RASSF8: variants seen among roughly 807,000 people sequenced by gnomAD.
RASSF8 encodes Ras association domain family member 8, also known as ras association domain-containing protein 8.
Under a neutral mutation model 48.5 loss-of-function variants are expected in RASSF8, and 22 were observed. The ratio of observed to expected loss-of-function variants is 0.45; its 90% CI spans 0.32 to 0.65. RASSF8 has a LOEUF of 0.65. Among genes scored for constraint, RASSF8 ranks in the 30% least tolerant of loss-of-function variants. RASSF8 has a pLI of 0.03. For missense variants in RASSF8, 418 were observed against 489.2 expected, an observed-to-expected ratio of 0.85 and a Z score of 1.37; for synonymous variants, 127 against 171.5, an observed-to-expected ratio of 0.74 and a Z score of 2.03.
intron 2 of RASSF8, among the ~76,000 whole-genome samples, chr12:25,995,702 A>G (rs1253243555): frequency 6.6e-6 from 1 of 152,142 alleles, no homozygotes; most frequent in Admixed American, 6.5e-5. Context: ...CAACTAAATT[A>G]CATCTCAGTT....
intron 2 of RASSF8, among the ~76,000 whole-genome samples, chr12:26,000,276 T>C (rs1016302593): frequency 1.3e-5 from 2 of 152,138 alleles, no homozygotes; most frequent in African/African-American, 4.8e-5. Flanking sequence ...AATGTAGTAA[T>C]ACATATACTA....
chr12:25,965,144 T>C (rs1485766452), intron 1 of RASSF8, among the ~76,000 whole-genome samples: 2 of 152,034 alleles, frequency 1.3e-5, no homozygotes, highest in Admixed American at 6.5e-5. Flanking sequence ...GGATTTACCA[T>C]GTTAGCCAGG....
chr12:26,022,122 CATT>C (rs886365733), intron 2 of RASSF8, among the ~76,000 whole-genome samples: 12 of 152,252 alleles, frequency 7.9e-5, no homozygotes, highest in African/African-American at 2.2e-4. Context: ...TACTCTAGAA[CATT>C]GTTGAAAACA....
chr12:26,037,301 C>T (rs1304113588), intron 2 of RASSF8, among the ~76,000 whole-genome samples: 1 of 152,192 alleles, frequency 6.6e-6, no homozygotes, highest in Non-Finnish European at 1.5e-5. Context: ...TGATAAGATA[C>T]TCTTTTGTCA....
chr12:26,047,916 A>G (rs1308456607), intron 2 of RASSF8, among the ~76,000 whole-genome samples: 1 of 152,228 alleles, frequency 6.6e-6, no homozygotes, highest in Non-Finnish European at 1.5e-5. Flanking sequence ...GCAGGTAGAG[A>G]GAAAGGGAGC....
chr12:26,041,054 ATT>A (rs10714072), intron 2 of RASSF8, among the ~76,000 whole-genome samples: 5 of 148,946 alleles, frequency 3.4e-5, no homozygotes, highest in African/African-American at 4.9e-5. Context: ...CGCCTGGTTA[ATT>A]TTTTTTTTTG....
At chr12:25,962,789 A>ATCTT (rs1329488833) in intron 1 of RASSF8, among the ~76,000 whole-genome samples, 1 of 152,212 alleles carries the variant, frequency 6.6e-6, no homozygotes, top group African/African-American at 2.4e-5. Flanking sequence ...TAGAAAAGCC[A>ATCTT]GACCCACACT....
intron 2 of RASSF8, among the ~76,000 whole-genome samples, chr12:26,027,024 C>A (rs987018111): frequency 2.6e-5 from 4 of 151,988 alleles, no homozygotes; most frequent in South Asian, 4.2e-4. Flanking sequence ...TGTGATATAA[C>A]AATACAATGA....
chr12:26,020,266 T>C (rs1942756590), intron 2 of RASSF8: 1 of 152,068 alleles, frequency 6.6e-6, no homozygotes, highest in Non-Finnish European at 1.5e-5. Flanking sequence ...CAAGGAAAGC[T>C]TTCTCTCCTG....
intron 2 of RASSF8, among the ~76,000 whole-genome samples, chr12:26,003,904 C>T (rs550542685): frequency 5.3e-5 from 8 of 152,084 alleles, no homozygotes; most frequent in East Asian, 3.9e-4. Context: ...GGGCCAGGTG[C>T]GGTGGCTCAT....
chr12:26,071,133 G>C lies in RASSF8; in HGVS notation c.*2315G>C. The C allele has an allele frequency of 1.0e-6, 1 of 975,426 alleles. No individual in the cohort carries two copies. Among genetic ancestry groups the C allele is most frequent in the Non-Finnish European group, 1.2e-6 (1 of 820,938 alleles). 60.4% of individuals were successfully genotyped at this position (975,426 alleles called of 1,614,324 possible). ...ATTGAGAAGCTGTACTTTTTAATTA[G>C]TTATATTACTTCTGGAAGCACATAT... On this transcript the variant is annotated 3_prime_UTR_variant, in exon 6 of 6. Transcript: ENST00000689635.
chr12:26,006,509 T>C (rs1468117993), intron 2 of RASSF8, among the ~76,000 whole-genome samples: 1 of 152,248 alleles, frequency 6.6e-6, no homozygotes, highest in Non-Finnish European at 1.5e-5. Context: ...AAAATAGTAC[T>C]GTTTTTCCCA....
chr12:26,067,624 A>C lies in RASSF8; in HGVS notation c.1049A>C (p.Gln350Pro), dbSNP rs1384351007. Residue 350 changes from glutamine (Q) to proline (P), a missense_variant, in exon 5 of 6, where the codon CAG (glutamine) becomes CCG (proline). Gln to Pro is a moderately conservative substitution (Grantham distance 76, BLOSUM62 -1). Coordinates refer to ENST00000689635, the MANE Select transcript of RASSF8 (RefSeq NM_001394098.1). ...LTKELRQVNL[Q>P]QFIQQTGTKV... ...AAGGAGTTGCGGCAAGTCAATCTCC[A>C]GCAGTTCATCCAGCAGACAGGGACA... 6.2e-7 allele frequency: 1 copy of C among 1,613,994 alleles called. No homozygotes were observed. Among genetic ancestry groups the C allele is most frequent in the African/African-American group, 1.3e-5 (1 of 74,944 alleles).
At chr12:25,989,805 A>G (rs1444487249) in intron 1 of RASSF8, among the ~76,000 whole-genome samples, 2 of 151,928 alleles carry the variant, frequency 1.3e-5, no homozygotes, top group Admixed American at 6.6e-5. Context: ...GGGTGGAGGA[A>G]TTATGGTAGA....
intron 2 of RASSF8, among the ~76,000 whole-genome samples, chr12:26,018,133 G>T (rs924538321): frequency 2.0e-5 from 3 of 152,038 alleles, no homozygotes; most frequent in Non-Finnish European, 4.4e-5. Context: ...GAATCTTTGA[G>T]AATTTCTGTG....
intron 2 of RASSF8, among the ~76,000 whole-genome samples, chr12:26,015,937 A>G (rs370684733): frequency 1.3e-3 from 201 of 149,532 alleles, no homozygotes; most frequent in Non-Finnish European, 2.4e-3. Flanking sequence ...AGACCCCACT[A>G]ACTAACTAAT....
intron 2 of RASSF8, among the ~76,000 whole-genome samples, chr12:26,007,614 A>G (rs975533986): frequency 6.6e-6 from 1 of 152,068 alleles, no homozygotes; most frequent in African/African-American, 2.4e-5. Context: ...AGAGAGGCCT[A>G]CTCTCACAGG....
At position 26,015,857 on chromosome 12, in the gene RASSF8, A is replaced by G. The variant is rs570549019; in HGVS notation, c.-109+20727A>G. The stretch of plus-strand genomic sequence containing the variant: ...AATTTCTCTTTTTTCTTTATTGATA[A>G]GAATAAAGCTGTGCATACTTTAAGA... On this transcript the variant is annotated intron_variant, in intron 2 of 5. Coordinates refer to ENST00000689635, the MANE Select transcript of RASSF8 (RefSeq NM_001394098.1). Among the ~76,000 whole-genome samples, 407 of 152,214 alleles carry G rather than the reference A, an allele frequency of 2.7e-3. 1 individual carries two copies. Among genetic ancestry groups the G allele is most frequent in the African/African-American group, 9.5e-3 (394 of 41,540 alleles).
Position 26,069,142 on chromosome 12 carries a change from T to C in RASSF8, c.*324T>C. 1 of 993,392 alleles carries C rather than the reference T, an allele frequency of 1.0e-6. No individual in the cohort carries two copies. The highest frequency in any genetic ancestry group is 1.2e-6 in the Non-Finnish European group (1 of 835,192). The allele number at this position is 993,392 out of a possible 1,614,324, so 61.5% of individuals were successfully genotyped here. ...AAATAAGCCGTGACTTAAGTAAGAG[T>C]GAAGAGAAATTTGTGACTGGCTTAG... On this transcript the variant is annotated 3_prime_UTR_variant, in exon 6 of 6. Coordinates refer to ENST00000689635, the MANE Select transcript of RASSF8 (RefSeq NM_001394098.1).
Sources: gnomAD v4.1 joint callset for allele counts (sites outside exome capture counted in the v4.1 genomes callset) on GRCh38, gnomAD v4.1.1 for gene constraint, MANE v1.5 for transcripts, NCBI Gene and HGNC (gene_info 2026-07-23, HGNC 2026-07-21) for gene names.